MACROD2: variants seen among roughly 807,000 people sequenced by gnomAD.
The protein encoded by MACROD2 is mono-ADP ribosylhydrolase 2, also known as ADP-ribose glycohydrolase MACROD2.
In MACROD2, 36 loss-of-function variants were observed where a neutral mutation model predicts 70.4. That is an observed-to-expected ratio of 0.51 (90% CI 0.39 to 0.68). The LOEUF (loss-of-function observed/expected upper bound fraction) is 0.68. Among genes scored for constraint, MACROD2 ranks in the 30% least tolerant of loss-of-function variants. MACROD2 has a pLI of 0.00. For missense variants in MACROD2, 496 were observed against 538.4 expected, an observed-to-expected ratio of 0.92 and a Z score of 0.78; for synonymous variants, 172 against 178.8, an observed-to-expected ratio of 0.96 and a Z score of 0.30.
intron 3 of MACROD2, among the ~76,000 whole-genome samples, chr20:14,226,625 C>T (rs1811615678): frequency 6.6e-6 from 1 of 152,134 alleles, no homozygotes; most frequent in African/African-American, 2.4e-5. Context: ...CCTGCCAGCC[C>T]GGGCAATGAG....
At chr20:15,295,595 TCACACACACACACACA>T (rs3223712) in intron 6 of MACROD2, among the ~76,000 whole-genome samples, 5,893 of 148,032 alleles carry the variant, frequency 0.04, 130 homozygotes, top group South Asian at 0.07. Context: ...ATGTCTGTCA[TCACACACACACACACA>T]CACACACACA....
chr20:14,477,554 T>C (rs990837787), intron 3 of MACROD2, among the ~76,000 whole-genome samples: 1 of 152,182 alleles, frequency 6.6e-6, no homozygotes, highest in African/African-American at 2.4e-5. Flanking sequence ...CAAATTTGTA[T>C]AGGTCTACTT....
At chr20:15,475,349 G>T (rs2047009031) in intron 7 of MACROD2, among the ~76,000 whole-genome samples, 1 of 152,156 alleles carries the variant, frequency 6.6e-6, no homozygotes, top group African/African-American at 2.4e-5. Flanking sequence ...TGATGAATCT[G>T]CAAGAAAGTT....
At chr20:15,705,195 T>C (rs894347176) in intron 8 of MACROD2, among the ~76,000 whole-genome samples, 2 of 152,164 alleles carry the variant, frequency 1.3e-5, no homozygotes, top group African/African-American at 4.8e-5. Flanking sequence ...TTTTAGTTGG[T>C]CTAAATACCA....
chr20:15,891,865 TGAGTGCAG>T (rs1222438856), intron 10 of MACROD2, among the ~76,000 whole-genome samples: 1 of 152,088 alleles, frequency 6.6e-6, no homozygotes, highest in African/African-American at 2.4e-5. Context: ...TGATGGGAGT[TGAGTGCAG>T]GAAAGGAAAT....
chr20:15,916,602 C>T (rs1342056763), intron 10 of MACROD2, among the ~76,000 whole-genome samples: 1 of 152,216 alleles, frequency 6.6e-6, no homozygotes, highest in Non-Finnish European at 1.5e-5. Flanking sequence ...ATGTCTCTGT[C>T]TCTGCTTTTG....
At chr20:15,469,080 C>A (rs1200257173) in intron 7 of MACROD2, among the ~76,000 whole-genome samples, 1 of 152,142 alleles carries the variant, frequency 6.6e-6, no homozygotes, top group Non-Finnish European at 1.5e-5. Flanking sequence ...TGCTGACAAC[C>A]ACTGATTGAC....
intron 7 of MACROD2, among the ~76,000 whole-genome samples, chr20:15,452,134 A>C (rs1267624987): frequency 6.6e-6 from 1 of 152,140 alleles, no homozygotes; most frequent in Non-Finnish European, 1.5e-5. Context: ...TTTAGAGTTC[A>C]CTTATCGGGC....
At chr20:14,520,516 G>C (rs2085155552) in intron 4 of MACROD2, among the ~76,000 whole-genome samples, 1 of 149,334 alleles carries the variant, frequency 6.7e-6, no homozygotes. Flanking sequence ...TGTTTCTACA[G>C]CTTCTTTTCT....
chr20:14,518,157 T>A (rs2085124105), intron 4 of MACROD2, among the ~76,000 whole-genome samples: 1 of 152,116 alleles, frequency 6.6e-6, no homozygotes, highest in Non-Finnish European at 1.5e-5. Context: ...AATTAATTTT[T>A]ACATGTTTTA....
At chr20:14,985,502 GC>G (rs1019439424) in intron 5 of MACROD2, among the ~76,000 whole-genome samples, 43 of 152,180 alleles carry the variant, frequency 2.8e-4, no homozygotes, top group African/African-American at 1.0e-3. Context: ...CACTTGACAA[GC>G]CTTTTAGGTC....
chr20:14,918,204 G>A (rs554687060), intron 5 of MACROD2, among the ~76,000 whole-genome samples: 2 of 152,172 alleles, frequency 1.3e-5, no homozygotes, highest in East Asian at 3.9e-4. Context: ...TCAAACTCCT[G>A]GGTTCAAGCA....
At chr20:16,034,950 A>G (rs2067202909) in intron 15 of MACROD2, among the ~76,000 whole-genome samples, 1 of 150,164 alleles carries the variant, frequency 6.7e-6, no homozygotes. Context: ...TTAGAATCAT[A>G]GTCTCCAATC....
At chr20:14,382,535 G>A (rs1228730654) in intron 3 of MACROD2, among the ~76,000 whole-genome samples, 1 of 151,906 alleles carries the variant, frequency 6.6e-6, no homozygotes, top group Non-Finnish European at 1.5e-5. Context: ...GGGCGTGGTG[G>A]TTCATGCCTG....
chr20:14,973,634 G>T (rs560093383), intron 5 of MACROD2, among the ~76,000 whole-genome samples: 63 of 152,212 alleles, frequency 4.1e-4, no homozygotes, highest in African/African-American at 1.5e-3. Context: ...TCAGGGAAAG[G>T]TTTCAGAGAG....
chr20:15,212,457 A>T (rs2145949702), intron 5 of MACROD2, among the ~76,000 whole-genome samples: 1 of 152,320 alleles, frequency 6.6e-6, no homozygotes, highest in Non-Finnish European at 1.5e-5. Context: ...GTTATAATTT[A>T]TGAGAACTAA....
At position 14,222,823 on chromosome 20, in the gene MACROD2, A is replaced by AGG. The variant is rs2081690798; in HGVS notation, c.271+137095_271+137096insGG. 1.3e-4 allele frequency among the ~76,000 whole-genome samples: 7 copies of AGG among 54,914 alleles called. 1 individual carries two copies. The highest frequency in any genetic ancestry group is 3.0e-4 in the African/African-American group (7 of 23,000). 36.0% of individuals were successfully genotyped at this position (54,914 alleles called of 152,430 possible). On this transcript the variant is annotated intron_variant, in intron 3 of 17. Coordinates refer to ENST00000684519, the MANE Select transcript of MACROD2 (RefSeq NM_001351661.2). ...AACCTTTGGATTTCTGAAAAAAAAAAAAAAAAAAAAAAAAAAAAAGAATTG... is the reference window on the plus strand; with the variant it reads ...AACCTTTGGATTTCTGAAAAAAAAAAGGAAAAAAAAAAAAAAAAAAAGAATTG...
chr20:14,277,785 G>T (rs2082272495), intron 3 of MACROD2, among the ~76,000 whole-genome samples: 1 of 152,124 alleles, frequency 6.6e-6, no homozygotes, highest in Non-Finnish European at 1.5e-5. Flanking sequence ...AGGAGGAGAG[G>T]ATTAAAATGG....
At chr20:15,389,975 T>C (rs2045770473) in intron 6 of MACROD2, among the ~76,000 whole-genome samples, 1 of 152,118 alleles carries the variant, frequency 6.6e-6, no homozygotes, top group Admixed American at 6.5e-5. Context: ...AGGTTCTGTG[T>C]GGGAAATGGA....
Sources: allele counts gnomAD v4.1 joint callset (sites outside exome capture counted in the v4.1 genomes callset), GRCh38; gene constraint gnomAD v4.1.1; transcripts MANE v1.5; gene names NCBI Gene and HGNC (gene_info 2026-07-23, HGNC 2026-07-21).